DTNBP1: variants seen among roughly 807,000 people sequenced by gnomAD.
DTNBP1 encodes dysbindin.
In DTNBP1, 35 loss-of-function variants were observed where a neutral mutation model predicts 42.8. The observed-to-expected ratio is 0.82, with a 90% CI of 0.63 to 1.09. The LOEUF is 1.09. Ranked by LOEUF, DTNBP1 falls within the 50% of genes least tolerant of loss-of-function variation. The probability of loss-of-function intolerance (pLI) is 0.00; values close to 1 mark genes in which losing one functional copy is unlikely to be tolerated. For synonymous variants in DTNBP1, 171 were observed against 162.2 expected (o/e 1.05, Z -0.41); for missense variants, 457 against 424.2 (o/e 1.08, Z -0.68).
intron 6 of DTNBP1, among the ~76,000 whole-genome samples, chr6:15,597,790 G>A (rs1309882184): frequency 2.0e-5 from 3 of 152,180 alleles, no homozygotes; most frequent in African/African-American, 7.2e-5. Context: ...CAAGTACTGA[G>A]GCTGCAGGAT....
intron 8 of DTNBP1, among the ~76,000 whole-genome samples, 194 bp downstream of exon 8, chr6:15,533,046 A>G (rs1251958318): frequency 6.6e-6 from 1 of 152,106 alleles, no homozygotes; most frequent in Non-Finnish European, 1.5e-5. Context: ...CTTCAACTAA[A>G]GCTTAGACTG....
Position 15,543,570 on chromosome 6 carries a change from G to A in DTNBP1, c.512-10175C>T, listed in dbSNP as rs375747126. 1.8e-4 allele frequency among the ~76,000 whole-genome samples: 27 copies of A among 152,242 alleles called. 1 individual carries two copies. Among genetic ancestry groups the A allele is most frequent in the Non-Finnish European group, 1.0e-4 (7 of 68,016 alleles). ...TTAACTTCCTTTAAAATTCAAGAAG[G>A]AGAAAAATTGTTAAGTACAATAAGT... On this transcript the variant is annotated intron_variant, in intron 7 of 9. Coordinates refer to ENST00000344537, the MANE Select transcript of DTNBP1 (RefSeq NM_032122.5).
intron 7 of DTNBP1, among the ~76,000 whole-genome samples, chr6:15,589,381 C>T (rs570218476): frequency 2.0e-5 from 3 of 152,314 alleles, no homozygotes; most frequent in African/African-American, 7.2e-5. Context: ...AGTGTTCTTC[C>T]CCTTTACGGG....
intron 6 of DTNBP1, among the ~76,000 whole-genome samples, chr6:15,607,930 C>T (rs1758171944): frequency 6.6e-6 from 1 of 152,126 alleles, no homozygotes; most frequent in Non-Finnish European, 1.5e-5. Flanking sequence ...TCACAAGCAG[C>T]CATGTTCAAT....
At chr6:15,560,013 A>C (rs557939696) in intron 7 of DTNBP1, among the ~76,000 whole-genome samples, 2 of 152,288 alleles carry the variant, frequency 1.3e-5, no homozygotes, top group Admixed American at 1.3e-4. Context: ...TATTTTGATT[A>C]ATAAAAATGT....
intron 7 of DTNBP1, among the ~76,000 whole-genome samples, chr6:15,568,435 T>C (rs1270150454): frequency 6.6e-6 from 1 of 152,252 alleles, no homozygotes; most frequent in Non-Finnish European, 1.5e-5. Context: ...GCTTTTCTTT[T>C]GTTAATCTGC....
At chr6:15,656,661 T>C (rs1254996847) in intron 1 of DTNBP1, among the ~76,000 whole-genome samples, 1 of 152,032 alleles carries the variant, frequency 6.6e-6, no homozygotes, top group East Asian at 1.9e-4. Flanking sequence ...GGTGGGTGGA[T>C]TGCTTGAACC....
intron 7 of DTNBP1, among the ~76,000 whole-genome samples, chr6:15,562,424 C>T (rs1774885128): frequency 6.6e-6 from 1 of 152,212 alleles, no homozygotes; most frequent in Non-Finnish European, 1.5e-5. Context: ...ATAGGTATCA[C>T]ATGCACAGAA....
intron 4 of DTNBP1, among the ~76,000 whole-genome samples, chr6:15,634,104 T>C (rs1759855120): frequency 6.6e-6 from 1 of 152,192 alleles, no homozygotes; most frequent in Non-Finnish European, 1.5e-5. Flanking sequence ...TAGGTGTTTC[T>C]CTTGTCAGTA....
At chr6:15,641,747 A>G (rs1760373149) in intron 3 of DTNBP1, among the ~76,000 whole-genome samples, 1 of 152,066 alleles carries the variant, frequency 6.6e-6, no homozygotes, top group Non-Finnish European at 1.5e-5. Flanking sequence ...CACCTCACAG[A>G]CCACTCTAAC....
intron 1 of DTNBP1, among the ~76,000 whole-genome samples, chr6:15,655,315 G>T (rs1052220605): frequency 1.1e-4 from 16 of 151,902 alleles, no homozygotes; most frequent in Admixed American, 5.2e-4. Flanking sequence ...GTAGAGACAG[G>T]GGTCTCCCTA....
intron 7 of DTNBP1, among the ~76,000 whole-genome samples, chr6:15,536,484 G>T (rs1220484941): frequency 6.6e-6 from 1 of 152,230 alleles, no homozygotes; most frequent in Non-Finnish European, 1.5e-5. Context: ...TGCTTCAGAG[G>T]GTGCAAGCCA....
chr6:15,529,695 A>C (rs1772676951), intron 8 of DTNBP1, among the ~76,000 whole-genome samples: 1 of 152,274 alleles, frequency 6.6e-6, no homozygotes, highest in African/African-American at 2.4e-5. Flanking sequence ...ACCCAGGCAC[A>C]GACCAGGACA....
In DTNBP1 at chr6:15,663,007, C is replaced by T; in HGVS notation, c.-138G>A. 4 of 1,254,894 alleles carry T rather than the reference C, an allele frequency of 3.2e-6. No individual in the cohort carries two copies. The highest frequency in any genetic ancestry group is 1.3e-5 in the South Asian group (1 of 75,780). 77.7% of individuals were successfully genotyped at this position (1,254,894 alleles called of 1,614,324 possible). Reference sequence around the variant, plus strand: ...TACCGGCCCCGCCCCCGGTCTGGTCCTCGCCGCCGCGCCGCAACCCCAGCC... The same window carrying T: ...TACCGGCCCCGCCCCCGGTCTGGTCTTCGCCGCCGCGCCGCAACCCCAGCC... On this transcript the variant is annotated 5_prime_UTR_variant, in exon 1 of 10. Coordinates refer to ENST00000344537, the MANE Select transcript of DTNBP1 (RefSeq NM_032122.5).
chr6:15,536,932 G>A (rs1773263207), intron 7 of DTNBP1, among the ~76,000 whole-genome samples: 1 of 152,224 alleles, frequency 6.6e-6, no homozygotes, highest in South Asian at 2.1e-4. Context: ...AAGATTTAAT[G>A]ACTGCCCTGC....
At chr6:15,562,886 C>T (rs563331269) in intron 7 of DTNBP1, among the ~76,000 whole-genome samples, 10 of 152,342 alleles carry the variant, frequency 6.6e-5, no homozygotes, top group Admixed American at 5.9e-4. Context: ...CAAATCCATA[C>T]TGGCCACCTT....
intron 4 of DTNBP1, among the ~76,000 whole-genome samples, chr6:15,632,033 C>A (rs1236483227): frequency 6.6e-6 from 1 of 151,992 alleles, no homozygotes; most frequent in African/African-American, 2.4e-5. Flanking sequence ...TCCTTGATAC[C>A]AAGCAAGGTT....
chr6:15,660,695 G>C (rs1220219694), intron 1 of DTNBP1, among the ~76,000 whole-genome samples: 1 of 152,150 alleles, frequency 6.6e-6, no homozygotes, highest in Non-Finnish European at 1.5e-5. Flanking sequence ...GGGTTACCCT[G>C]ATCTCCCAGG....
chr6:15,599,698 T>C (rs1751041998), intron 6 of DTNBP1, among the ~76,000 whole-genome samples: 1 of 152,126 alleles, frequency 6.6e-6, no homozygotes, highest in Non-Finnish European at 1.5e-5. Flanking sequence ...CCTGAAGACA[T>C]GTCGTGGTTT....
Sources: gnomAD v4.1 joint callset for allele counts (sites outside exome capture counted in the v4.1 genomes callset) on GRCh38, gnomAD v4.1.1 for gene constraint, MANE v1.5 for transcripts, NCBI Gene and HGNC (gene_info 2026-07-23, HGNC 2026-07-21) for gene names.